Variants in S100A8 observed in about 807,000 individuals in gnomAD.
S100A8 encodes protein S100-A8.
A neutral mutation model predicts 4.2 loss-of-function variants in S100A8; 1 was observed. That is an observed-to-expected ratio of 0.24 (90% CI 0.08 to 1.12). The LOEUF is 1.12. Ranked by LOEUF, S100A8 falls within the 50% of genes most tolerant of loss-of-function variation. The pLI is 0.53. For missense variants in S100A8, 96 were observed against 111.8 expected (o/e 0.86, Z 0.64); for synonymous variants, 41 against 44.7 (o/e 0.92, Z 0.33).
the S100A8 span, chr1:153,421,551 C>T: frequency 6.6e-6 from 1 of 152,156 alleles, no homozygotes. Context: ...AGTGTAAAAT[C>T]CAAAAACTTC....
upstream of S100A8, among the ~76,000 whole-genome samples, chr1:153,395,352 G>A (rs1321500108): frequency 6.6e-6 from 1 of 152,130 alleles, no homozygotes; most frequent in Non-Finnish European, 1.5e-5. Flanking sequence ...TGCAAACCCA[G>A]CACACAATAT....
the S100A8 span, chr1:153,418,038 A>G: frequency 4.3e-6 from 7 of 1,611,562 alleles, no homozygotes; most frequent in Middle Eastern, 1.7e-4. Flanking sequence ...AAACTAAGGT[A>G]AGAAATGATT....
rs1571166834 is a variant in S100A8 at position 153,390,320 on chromosome 1, G to A, written c.141+75C>T. 13 of 1,603,586 alleles carry A rather than the reference G, an allele frequency of 8.1e-6. No individual in the cohort carries two copies. The East Asian group carries it at 2.7e-4, about 33-fold the overall frequency. Reference sequence around the variant, plus strand: ...CGAGGCATAGCCATCTATGAAGGGTGGCAGGGAGGACCGCTGGCCCAGGGC... The same window carrying A: ...CGAGGCATAGCCATCTATGAAGGGTAGCAGGGAGGACCGCTGGCCCAGGGC... On this transcript the variant is annotated intron_variant, in intron 2 of 2. Transcript: ENST00000368733.
chr1:153,415,271 T>A, the S100A8 span, among the ~76,000 whole-genome samples: 1 of 152,118 alleles, frequency 6.6e-6, no homozygotes, highest in East Asian at 1.9e-4. Context: ...CAGGTCCCCC[T>A]GGTTACATAA....
At chr1:153,403,385 A>T in the S100A8 span, among the ~76,000 whole-genome samples, 9 of 152,310 alleles carry the variant, frequency 5.9e-5, no homozygotes, top group African/African-American at 1.2e-4. Flanking sequence ...GTTGAAAATC[A>T]ATTGACTGTG....
Position 153,390,431 on chromosome 1 carries a change from C to A in S100A8, c.105G>T (p.Lys35Asn), listed in dbSNP as rs2101608482. The A allele has an allele frequency of 6.2e-7, 1 of 1,614,216 alleles. No individual in the cohort carries two copies. The highest frequency in any genetic ancestry group is 8.5e-7 in the Non-Finnish European group (1 of 1,180,034). Residue 35 changes from lysine (K) to asparagine (N), a missense_variant, in exon 2 of 3, where the codon AAG becomes AAT. By Grantham distance (94) the Lys-to-Asn change is moderately conservative. Coordinates refer to ENST00000368733, the MANE Select transcript of S100A8 (RefSeq NM_002964.5). ...GAGGACACTCGGTCTCTAGCAATTTCTTCAGGTCATCCCTGTAGACGGCAT... is the reference window on the plus strand; with the variant it reads ...GAGGACACTCGGTCTCTAGCAATTTATTCAGGTCATCCCTGTAGACGGCAT... ...NFHAVYRDDL[K>N]KLLETECPQY...
the S100A8 span, among the ~76,000 whole-genome samples, chr1:153,404,568 G>A: frequency 4.6e-5 from 7 of 152,266 alleles, no homozygotes; most frequent in South Asian, 6.2e-4. Flanking sequence ...TGTCCATTTC[G>A]TATCATCACA....
chr1:153,414,669 C>A, the S100A8 span, among the ~76,000 whole-genome samples: 1 of 152,172 alleles, frequency 6.6e-6, no homozygotes, highest in Non-Finnish European at 1.5e-5. Context: ...GGCAGGAACA[C>A]AAAATAGTAC....
chr1:153,391,148 C>G, upstream of S100A8: 1 of 985,542 alleles, frequency 1.0e-6, no homozygotes, highest in Non-Finnish European at 1.2e-6. Context: ...CCATCAGAGA[C>G]AGCTTCTCCC....
At chr1:153,404,080 T>C in the S100A8 span, among the ~76,000 whole-genome samples, 1 of 152,148 alleles carries the variant, frequency 6.6e-6, no homozygotes, top group East Asian at 1.9e-4. Flanking sequence ...TACTGGTTTA[T>C]TACAAAGAGT....
chr1:153,403,393 G>A, the S100A8 span, among the ~76,000 whole-genome samples: 2 of 152,184 alleles, frequency 1.3e-5, no homozygotes, highest in Admixed American at 6.5e-5. Context: ...TCAATTGACT[G>A]TGAATGTGAA....
At chr1:153,420,158 G>A in the S100A8 span, 1 of 152,240 alleles carries the variant, frequency 6.6e-6, no homozygotes. Context: ...CATGCTGACT[G>A]TGATGAGAAA....
the S100A8 span, chr1:153,419,043 G>C: frequency 5.5e-6 from 7 of 1,281,016 alleles, no homozygotes; most frequent in Non-Finnish European, 7.8e-6. Flanking sequence ...TGCCTGTGCA[G>C]ATCTAGGTAC....
the S100A8 span, among the ~76,000 whole-genome samples, chr1:153,405,876 C>G: frequency 6.6e-6 from 1 of 152,228 alleles, no homozygotes; most frequent in African/African-American, 2.4e-5. Flanking sequence ...GTGGATGGCT[C>G]ACAGCAGAAC....
At chr1:153,407,310 A>G in the S100A8 span, among the ~76,000 whole-genome samples, 1 of 152,248 alleles carries the variant, frequency 6.6e-6, no homozygotes, top group African/African-American at 2.4e-5. Context: ...ACAGCACACC[A>G]GGAGATCATA....
chr1:153,401,873 G>A, the S100A8 span, among the ~76,000 whole-genome samples: 46 of 152,246 alleles, frequency 3.0e-4, 1 homozygote, highest in South Asian at 9.5e-3. Flanking sequence ...AATATTTAGG[G>A]ATTTTTGCCA....
At chr1:153,406,883 G>A in the S100A8 span, among the ~76,000 whole-genome samples, 50 of 152,352 alleles carry the variant, frequency 3.3e-4, 1 homozygote, top group South Asian at 0.01. Flanking sequence ...AACCTGATGA[G>A]CAGGTGCAAA....
At chr1:153,393,381 G>T (rs2101611013), upstream of S100A8, among the ~76,000 whole-genome samples, 1 of 152,242 alleles carries the variant, frequency 6.6e-6, no homozygotes, top group South Asian at 2.1e-4. Flanking sequence ...AGACCATTTA[G>T]AAAAGAAATC....
chr1:153,402,273 A>T, the S100A8 span, among the ~76,000 whole-genome samples: 1 of 152,214 alleles, frequency 6.6e-6, no homozygotes, highest in African/African-American at 2.4e-5. Flanking sequence ...AAGCCCAAGG[A>T]ATGACAATTA....
Sources: gnomAD v4.1 joint callset for allele counts (sites outside exome capture counted in the v4.1 genomes callset) on GRCh38, gnomAD v4.1.1 for gene constraint, MANE v1.5 for transcripts, NCBI Gene and HGNC (gene_info 2026-07-23, HGNC 2026-07-21) for gene names.